CCDC148: variants seen among roughly 807,000 people sequenced by gnomAD.
CCDC148 encodes coiled-coil domain containing 148.
Under a neutral mutation model 85.7 loss-of-function variants are expected in CCDC148, and 89 were observed. The observed-to-expected ratio is 1.04, with a 90% CI of 0.87 to 1.24. The LOEUF (loss-of-function observed/expected upper bound fraction) is 1.24, where lower values mean the gene tolerates loss of function less well. Among genes scored for constraint, CCDC148 ranks in the 50% most tolerant of loss-of-function variants. The pLI is 0.00. For missense variants in CCDC148, 692 were observed against 671.7 expected (o/e 1.03, Z -0.33); for synonymous variants, 230 against 213.9 (o/e 1.08, Z -0.66).
chr2:158,222,386 G>A (rs1479830617), intron 10 of CCDC148, among the ~76,000 whole-genome samples: 1 of 152,092 alleles, frequency 6.6e-6, no homozygotes, highest in East Asian at 1.9e-4. Context: ...GCAATCTCAA[G>A]ACCAGTTATT....
intron 1 of CCDC148, among the ~76,000 whole-genome samples, chr2:158,438,717 A>T (rs1430524268): frequency 6.6e-6 from 1 of 152,220 alleles, no homozygotes; most frequent in Non-Finnish European, 1.5e-5. Context: ...AATTTTTGCA[A>T]TCTACTCATC....
intron 1 of CCDC148, among the ~76,000 whole-genome samples, chr2:158,431,452 A>T (rs1245610982): frequency 6.6e-6 from 1 of 151,786 alleles, no homozygotes; most frequent in Non-Finnish European, 1.5e-5. Flanking sequence ...AAAAAATGAC[A>T]GAACATCTGT....
intron 9 of CCDC148, among the ~76,000 whole-genome samples, chr2:158,296,156 A>G (rs1691177597): frequency 6.6e-6 from 1 of 152,150 alleles, no homozygotes; most frequent in African/African-American, 2.4e-5. Context: ...CAAAACCAAG[A>G]TCATAAAAAT....
intron 3 of CCDC148, among the ~76,000 whole-genome samples, chr2:158,342,580 A>G (rs1429487071): frequency 2.0e-5 from 3 of 152,186 alleles, no homozygotes; most frequent in African/African-American, 7.2e-5. Context: ...AACAGAGCAT[A>G]CTAACTGCCA....
At chr2:158,230,720 A>C (rs1046674389) in intron 10 of CCDC148, among the ~76,000 whole-genome samples, 1 of 152,208 alleles carries the variant, frequency 6.6e-6, no homozygotes, top group Non-Finnish European at 1.5e-5. Flanking sequence ...AGAGAAGCTA[A>C]GGAACAACAG....
intron 11 of CCDC148, among the ~76,000 whole-genome samples, chr2:158,199,983 A>T (rs1685871214): frequency 1.3e-5 from 2 of 152,180 alleles, no homozygotes; most frequent in Admixed American, 6.5e-5. Context: ...AAAGCAGCTC[A>T]AGAGGGTTGA....
At chr2:158,230,857 T>C (rs986336158) in intron 10 of CCDC148, among the ~76,000 whole-genome samples, 1 of 152,092 alleles carries the variant, frequency 6.6e-6, no homozygotes, top group African/African-American at 2.4e-5. Context: ...AGAGGGCTCA[T>C]TGAGAGATTC....
chr2:158,349,979 A>AT (rs1559089035), intron 2 of CCDC148, among the ~76,000 whole-genome samples: 2 of 107,374 alleles, frequency 1.9e-5, no homozygotes, highest in Non-Finnish European at 3.4e-5. Flanking sequence ...AAGACAAGGG[A>AT]TTTTTTGAGA....
chr2:158,216,386 C>CCTTT (rs1349261377), intron 11 of CCDC148, among the ~76,000 whole-genome samples: 2 of 59,468 alleles, frequency 3.4e-5, no homozygotes, highest in Non-Finnish European at 5.8e-5. Flanking sequence ...AAGCACAATA[C>CCTTT]TTTTTTTTTT....
chr2:158,184,837 T>C (rs1027227860), intron 11 of CCDC148, among the ~76,000 whole-genome samples: 1 of 152,194 alleles, frequency 6.6e-6, no homozygotes, highest in Non-Finnish European at 1.5e-5. Context: ...CTCAGACTTC[T>C]GGGCCAGCTC....
chr2:158,203,509 A>AG (rs1386370087), intron 11 of CCDC148, among the ~76,000 whole-genome samples: 1 of 152,178 alleles, frequency 6.6e-6, no homozygotes, highest in African/African-American at 2.4e-5. Context: ...CCCTCCAAAA[A>AG]GAACTCACAA....
chr2:158,411,928 A>T lies in CCDC148; in HGVS notation c.25+44487T>A, dbSNP rs377128045. On this transcript the variant is annotated intron_variant, in intron 1 of 13. Coordinates refer to ENST00000283233, the MANE Select transcript of CCDC148 (RefSeq NM_138803.4). ...CATGGGTGCACAGTGGAATCAGGTC[A>T]GGGGCATAGGTGTACATCACTGCTG... Among the ~76,000 whole-genome samples, 69 of 129,906 alleles carry T rather than the reference A, an allele frequency of 5.3e-4. 2 individuals carry two copies. The highest frequency in any genetic ancestry group is 1.2e-4 in the Non-Finnish European group (7 of 57,182). The allele number at this position is 129,906 out of a possible 152,430, so 85.2% of individuals were successfully genotyped here. A position where few individuals can be genotyped will look rare whatever the true frequency, so the allele number is the denominator to read the frequency against.
At chr2:158,358,347 A>C (rs1683764517) in intron 2 of CCDC148, 102 bp downstream of exon 2, 1 of 1,393,364 alleles carries the variant, frequency 7.2e-7, no homozygotes, top group Non-Finnish European at 9.7e-7. Flanking sequence ...AGTTTCTAAC[A>C]ACTATTTGGA....
At chr2:158,180,726 G>C (rs1684857212) in intron 11 of CCDC148, among the ~76,000 whole-genome samples, 1 of 152,040 alleles carries the variant, frequency 6.6e-6, no homozygotes, top group Non-Finnish European at 1.5e-5. Flanking sequence ...ACATGCTCCT[G>C]GGGAGGAATA....
intron 7 of CCDC148, among the ~76,000 whole-genome samples, chr2:158,318,820 T>C (rs1174143868): frequency 6.6e-6 from 1 of 151,926 alleles, no homozygotes; most frequent in Non-Finnish European, 1.5e-5. Flanking sequence ...CCCAGGCCAG[T>C]GTGCAGTGGC....
At chr2:158,330,487 T>C (rs1382132649) in intron 7 of CCDC148, among the ~76,000 whole-genome samples, 2 of 152,200 alleles carry the variant, frequency 1.3e-5, no homozygotes, top group African/African-American at 4.8e-5. Flanking sequence ...GTTGTGTCTC[T>C]GGCAGGCTTT....
At chr2:158,367,250 G>T (rs1173072021) in intron 1 of CCDC148, among the ~76,000 whole-genome samples, 1 of 152,158 alleles carries the variant, frequency 6.6e-6, no homozygotes, top group Non-Finnish European at 1.5e-5. Flanking sequence ...ACCAGGCAAA[G>T]CACGCCTCCA....
chr2:158,437,665 T>C (rs1316569901), intron 1 of CCDC148, among the ~76,000 whole-genome samples: 5 of 152,082 alleles, frequency 3.3e-5, no homozygotes, highest in African/African-American at 1.2e-4. Context: ...GGGTATTCAA[T>C]TAGGAAAAGA....
intron 1 of CCDC148, among the ~76,000 whole-genome samples, chr2:158,359,497 G>A (rs1375820263): frequency 6.6e-6 from 1 of 152,098 alleles, no homozygotes; most frequent in East Asian, 1.9e-4. Context: ...CATCTCATTG[G>A]GACTGGTTAG....
Sources: gnomAD v4.1 joint callset for allele counts (sites outside exome capture counted in the v4.1 genomes callset) on GRCh38, gnomAD v4.1.1 for gene constraint, MANE v1.5 for transcripts, NCBI Gene and HGNC (gene_info 2026-07-23, HGNC 2026-07-21) for gene names.